NIBAN2: variants seen among roughly 807,000 people sequenced by gnomAD.
NIBAN2 encodes niban apoptosis regulator 2.
In NIBAN2, 36 loss-of-function variants were observed where a neutral mutation model predicts 81.8. The ratio of observed to expected loss-of-function variants is 0.44; its 90% CI spans 0.34 to 0.58. NIBAN2 has a LOEUF of 0.58. Ranked by LOEUF, NIBAN2 falls within the 20% of genes least tolerant of loss-of-function variation. The probability of loss-of-function intolerance (pLI) is 0.02; values close to 1 mark genes in which losing one functional copy is unlikely to be tolerated. For missense variants in NIBAN2, 897 were observed against 1,014.1 expected, an observed-to-expected ratio of 0.88 and a Z score of 1.57; for synonymous variants, 445 against 441.6, an observed-to-expected ratio of 1.01 and a Z score of -0.10.
At chr9:127,577,933 G>C (rs968676154) in intron 1 of NIBAN2, among the ~76,000 whole-genome samples, 5 of 152,060 alleles carry the variant, frequency 3.3e-5, no homozygotes, top group Non-Finnish European at 5.9e-5. Flanking sequence ...GCTCACACTT[G>C]TAATCTCAGC....
chr9:127,551,586 A>G (rs2253843), intron 1 of NIBAN2, among the ~76,000 whole-genome samples: 30,191 of 151,210 alleles, frequency 0.2, 3,592 homozygotes, highest in Non-Finnish European at 0.28. Flanking sequence ...CGTGGTGCAC[A>G]TGCCTGTAGT....
chr9:127,518,263 G>T (rs1051546111), intron 5 of NIBAN2, among the ~76,000 whole-genome samples: 2 of 152,196 alleles, frequency 1.3e-5, no homozygotes, highest in African/African-American at 4.8e-5. Context: ...AGAGACAACC[G>T]TTAGGGGACA....
At chr9:127,527,734 AC>A (rs891393249) in intron 2 of NIBAN2, among the ~76,000 whole-genome samples, 3 of 152,162 alleles carry the variant, frequency 2.0e-5, no homozygotes, top group Non-Finnish European at 2.9e-5. Context: ...CGCTCCGGGC[AC>A]GGGGGACACA....
intron 5 of NIBAN2, 74 bp from the exon 6 acceptor site, chr9:127,518,015 G>C: frequency 1.1e-6 from 1 of 897,564 alleles, no homozygotes; most frequent in South Asian, 1.7e-5. Flanking sequence ...ACTGAGAACT[G>C]ACCAAAACCC....
rs892032640 is a variant in NIBAN2, at chr9:127,517,861, C to T, written c.670G>A (p.Gly224Ser). 28 of 1,613,776 alleles carry T rather than the reference C, an allele frequency of 1.7e-5. No individual in the cohort carries two copies. The highest frequency in any genetic ancestry group is 3.3e-4 in the Middle Eastern group (2 of 6,084). ...TTCCCACACAGCATCTCCCAGGTGC[C>T]GTACAGCTCCTTGGACTGTCGGTAC... ...RMYRQSKELY[G>S]TWEMLCGNEV... Residue 224 changes from glycine (G) to serine (S), a missense_variant, in exon 6 of 14, where the codon GGC (glycine) becomes AGC (serine). Gly to Ser is a moderately conservative substitution (Grantham distance 56). Coordinates refer to ENST00000373312, the MANE Select transcript of NIBAN2 (RefSeq NM_022833.4). This position sits in a 1 kb window ranked among gnomAD's most constrained non-coding sequence, Gnocchi z 4.0.
At chr9:127,542,004 G>C (rs1360576988) in intron 1 of NIBAN2, among the ~76,000 whole-genome samples, 2 of 152,122 alleles carry the variant, frequency 1.3e-5, no homozygotes, top group Non-Finnish European at 2.9e-5. Flanking sequence ...CCCCCAGCCA[G>C]GCCACTCCCG....
At chr9:127,535,168 G>A (rs1242750060) in intron 1 of NIBAN2, among the ~76,000 whole-genome samples, 2 of 152,218 alleles carry the variant, frequency 1.3e-5, no homozygotes, top group Non-Finnish European at 2.9e-5. Flanking sequence ...AGTGCACCCA[G>A]CCCACAGACA....
rs117958011 is a variant in NIBAN2, at chr9:127,517,662, T to C, written c.705+164A>G. On this transcript the variant is annotated intron_variant, in intron 6 of 13. Transcript: ENST00000373312. The surrounding 1 kb of genome is among the most constrained non-coding windows in gnomAD (Gnocchi z 4.0). ...AGTAAGTGATGAATAAGACAGCGAG[T>C]ATCTCCACGTGCACTGGCCCTGCAC... Among the ~76,000 whole-genome samples the C allele has an allele frequency of 4.9e-3, 749 of 152,086 alleles. 2 individuals are homozygous for C. The highest frequency in any genetic ancestry group is 8.3e-3 in the Non-Finnish European group (563 of 67,988).
At chr9:127,550,984 C>T (rs897004764) in intron 1 of NIBAN2, among the ~76,000 whole-genome samples, 2 of 152,136 alleles carry the variant, frequency 1.3e-5, no homozygotes, top group African/African-American at 4.8e-5. Context: ...GGCCTGGGTC[C>T]GCCAGCCACT....
rs1038464460 is a variant in NIBAN2, at chr9:127,565,253, C to A, written c.55+3567G>T. ...CTGAGATTACAGGCGTGAGCCACCA[C>A]GCCTGGCCTGTGCACACATTACTTT... On this transcript the variant is annotated intron_variant, in intron 1 of 13. Transcript: ENST00000373312. 7.2e-5 allele frequency among the ~76,000 whole-genome samples: 11 copies of A among 152,044 alleles called. No homozygotes were observed. In the East Asian group the frequency reaches 1.9e-3, roughly 27 times the overall value.
At chr9:127,525,803 C>G (rs538336278) in intron 3 of NIBAN2, among the ~76,000 whole-genome samples, 1 of 152,274 alleles carries the variant, frequency 6.6e-6, no homozygotes, top group East Asian at 1.9e-4. Flanking sequence ...AGGACATGAA[C>G]CAGGGCTATC....
At position 127,568,913 on chromosome 9, in the gene NIBAN2, C is replaced by G; in HGVS notation, c.-39G>C. 1 of 1,246,796 alleles carries G rather than the reference C, an allele frequency of 8.0e-7. No homozygotes were observed. The allele number at this position is 1,246,796 out of a possible 1,614,324, so 77.2% of individuals were successfully genotyped here. A position where few individuals can be genotyped will look rare whatever the true frequency, so the allele number is the denominator to read the frequency against. Reference sequence around the variant, plus strand: ...CGCGGCCCGATCCGGCCGACGCCGCCGCTGTTGCCCGCGCTGCTCAGGCGG... The same window carrying G: ...CGCGGCCCGATCCGGCCGACGCCGCGGCTGTTGCCCGCGCTGCTCAGGCGG... On this transcript the variant is annotated 5_prime_UTR_variant, in exon 1 of 14. Transcript: ENST00000373312.
chr9:127,558,001 GAGTCCTAGGGGGTC>G (rs1409264524), intron 1 of NIBAN2, among the ~76,000 whole-genome samples: 35 of 152,182 alleles, frequency 2.3e-4, no homozygotes, highest in African/African-American at 8.2e-4. Context: ...GACCCCAGGA[GAGTCCTAGGGGGTC>G]AGCCCCTACC....
intron 8 of NIBAN2, among the ~76,000 whole-genome samples, chr9:127,512,750 T>A (rs1273670735): frequency 6.6e-6 from 1 of 152,182 alleles, no homozygotes; most frequent in Non-Finnish European, 1.5e-5. Flanking sequence ...GAGACCTGCC[T>A]CAAATTTTCA....
At chr9:127,578,836 G>T in intron 1 of NIBAN2, 2 of 1,328,232 alleles carry the variant, frequency 1.5e-6, no homozygotes, top group Non-Finnish European at 2.1e-6. Flanking sequence ...CAGCCTGAGT[G>T]ACAGAGCAAA....
At chr9:127,570,995 T>C (rs1265605626), upstream of NIBAN2, among the ~76,000 whole-genome samples, 4 of 152,272 alleles carry the variant, frequency 2.6e-5, no homozygotes. Flanking sequence ...CAAGTGATGC[T>C]GATAACCTCT....
At chr9:127,555,919 C>T (rs1337684916) in intron 1 of NIBAN2, among the ~76,000 whole-genome samples, 3 of 152,148 alleles carry the variant, frequency 2.0e-5, no homozygotes, top group South Asian at 2.1e-4. Flanking sequence ...GTTTCAGCCA[C>T]ACCAGCTCAG....
At chr9:127,572,261 G>A (rs531220715), upstream of NIBAN2, among the ~76,000 whole-genome samples, 3 of 152,052 alleles carry the variant, frequency 2.0e-5, no homozygotes, top group African/African-American at 4.8e-5. Context: ...GGATCCTCCC[G>A]CCTAAGCCTC....
chr9:127,520,963 C>T (rs1836930322), intron 5 of NIBAN2, among the ~76,000 whole-genome samples: 1 of 152,146 alleles, frequency 6.6e-6, no homozygotes, highest in South Asian at 2.1e-4. Flanking sequence ...CACACAGAGG[C>T]ATGACCCTGT....
Sources: allele counts gnomAD v4.1 joint callset (sites outside exome capture counted in the v4.1 genomes callset), GRCh38; gene constraint gnomAD v4.1.1; non-coding constraint Gnocchi (gnomAD v3.1); transcripts MANE v1.5; gene names NCBI Gene and HGNC (gene_info 2026-07-23, HGNC 2026-07-21).